AGAP1: variants seen among roughly 807,000 people sequenced by gnomAD.
The protein encoded by AGAP1 is arf-GAP with GTPase, ANK repeat and PH domain-containing protein 1.
In AGAP1, 29 loss-of-function variants were observed where a neutral mutation model predicts 105.3. The observed-to-expected ratio is 0.28, with a 90% confidence interval of 0.21 to 0.38. The LOEUF is 0.38. Ranked by LOEUF, AGAP1 falls within the 10% of genes least tolerant of loss-of-function variation. The probability of loss-of-function intolerance (pLI) is 1.00; values close to 1 mark genes in which losing one functional copy is unlikely to be tolerated. For missense variants in AGAP1, 998 were observed against 1,165.1 expected (o/e 0.86, Z 2.09); for synonymous variants, 509 against 485.9 (o/e 1.05, Z -0.63).
intron 9 of AGAP1, among the ~76,000 whole-genome samples, chr2:235,811,820 T>G (rs938265841): frequency 2.6e-5 from 4 of 152,216 alleles, no homozygotes; most frequent in African/African-American, 4.8e-5. Context: ...CACAGAGAGC[T>G]CTTAGAGATT....
chr2:235,681,237 CTGATCTCA>C (rs1949053926), intron 1 of AGAP1, among the ~76,000 whole-genome samples: 1 of 152,170 alleles, frequency 6.6e-6, no homozygotes, highest in Admixed American at 6.5e-5. Flanking sequence ...TCTCGATCTC[CTGATCTCA>C]TGATCTGCCC....
intron 1 of AGAP1, among the ~76,000 whole-genome samples, chr2:235,649,433 G>C (rs1947506776): frequency 6.6e-6 from 1 of 152,202 alleles, no homozygotes; most frequent in African/African-American, 2.4e-5. Flanking sequence ...GGGTGTAGTG[G>C]TATGACTGTA....
intron 1 of AGAP1, among the ~76,000 whole-genome samples, chr2:235,645,932 CA>C (rs1947368877): frequency 6.6e-6 from 1 of 152,122 alleles, no homozygotes; most frequent in South Asian, 2.1e-4. Context: ...ACAATTTCCC[CA>C]ACCCAGAAGT....
rs1953586857 is a variant in AGAP1 at position 235,753,020 on chromosome 2, C to T, written c.673+2532C>T. On this transcript the variant is annotated intron_variant, in intron 6 of 17. Transcript: ENST00000304032. This position sits in a 1 kb window ranked among gnomAD's most constrained non-coding sequence, Gnocchi z 4.5. ...GACACAAGCCCTCGCCAGTCCCTTC[C>T]CATAAAGGCACTTAACCCATCACAG... Among the ~76,000 whole-genome samples the T allele has an allele frequency of 1.3e-5, 2 of 152,190 alleles. No individual in the cohort carries two copies. Among genetic ancestry groups the T allele is most frequent in the African/African-American group, 4.8e-5 (2 of 41,448 alleles).
At position 235,993,484 on chromosome 2, in the gene AGAP1, T is replaced by A. The variant is rs950790590; in HGVS notation, c.1645+24861T>A. ...CAAAGTGGAAGACAGGGAGCACCTCTGCAGGCCTATAGGGAGGTAGTAATT... is the reference window on the plus strand; with the variant it reads ...CAAAGTGGAAGACAGGGAGCACCTCAGCAGGCCTATAGGGAGGTAGTAATT... On this transcript the variant is annotated intron_variant, in intron 13 of 17. Coordinates refer to ENST00000304032, the MANE Select transcript of AGAP1 (RefSeq NM_001037131.3). This position sits in a 1 kb window ranked among gnomAD's most constrained non-coding sequence, Gnocchi z 5.0. Among the ~76,000 whole-genome samples, 1 of 152,262 alleles carries A rather than the reference T, an allele frequency of 6.6e-6. No homozygotes were observed. The highest frequency in any genetic ancestry group is 1.5e-5 in the Non-Finnish European group (1 of 68,042).
At chr2:236,034,365 A>G (rs1321154709) in intron 13 of AGAP1, among the ~76,000 whole-genome samples, 1 of 151,684 alleles carries the variant, frequency 6.6e-6, no homozygotes, top group Non-Finnish European at 1.5e-5. Context: ...TGAAGGCATG[A>G]CCTGCAGACA....
rs1464196626 is a variant in AGAP1, at chr2:235,721,122, CG to C, written c.310+3479del. On this transcript the variant is annotated intron_variant, in intron 3 of 17. Transcript: ENST00000304032. The surrounding 1 kb of genome is among the most constrained non-coding windows in gnomAD (Gnocchi z 4.5). Reference sequence around the variant, plus strand: ...TCCAGGATTCAAGTGATCCTCCTGCCGCAGCCTCCTGAGTAGCTGGGATTAC... The same window carrying C: ...TCCAGGATTCAAGTGATCCTCCTGCCCAGCCTCCTGAGTAGCTGGGATTAC... Among the ~76,000 whole-genome samples the C allele has an allele frequency of 6.6e-6, 1 of 152,110 alleles. No individual in the cohort carries two copies. Among genetic ancestry groups the C allele is most frequent in the African/African-American group, 2.4e-5 (1 of 41,396 alleles).
At chr2:235,925,937 G>A (rs757586910) in intron 11 of AGAP1, among the ~76,000 whole-genome samples, 3 of 152,206 alleles carry the variant, frequency 2.0e-5, no homozygotes, top group Admixed American at 6.5e-5. Context: ...ACTCATTAAC[G>A]TGAAATGAAT....
At position 235,959,744 on chromosome 2, in the gene AGAP1, C is replaced by G. The variant is rs1468194992; in HGVS notation, c.1484-8718C>G. On this transcript the variant is annotated intron_variant, in intron 12 of 17. Coordinates refer to ENST00000304032, the MANE Select transcript of AGAP1 (RefSeq NM_001037131.3). The surrounding 1 kb of genome is among the most constrained non-coding windows in gnomAD (Gnocchi z 7.3). ...GGTTCCCCTGCTGCTGCAGCCGGGC[C>G]CTCCCACAGGCAAGCATCTGGAACT... Among the ~76,000 whole-genome samples, 1 of 152,172 alleles carries G rather than the reference C, an allele frequency of 6.6e-6. No homozygotes were observed. Among genetic ancestry groups the G allele is most frequent in the African/African-American group, 2.4e-5 (1 of 41,436 alleles).
chr2:235,654,006 A>AG (rs1448293485), intron 1 of AGAP1, among the ~76,000 whole-genome samples: 1 of 152,238 alleles, frequency 6.6e-6, no homozygotes, highest in African/African-American at 2.4e-5. Flanking sequence ...CAGTGAGCTG[A>AG]GATTGCACCA....
chr2:235,578,689 G>A lies in AGAP1; in HGVS notation c.163+83840G>A, dbSNP rs923279905. On this transcript the variant is annotated intron_variant, in intron 1 of 17. Transcript: ENST00000304032. The surrounding 1 kb of genome is among the most constrained non-coding windows in gnomAD (Gnocchi z 4.9). ...AATCCCAGCTACTTGGGAGGCTGAG[G>A]CAGGAGAATTGCTTGAACCCAGGAG... Among the ~76,000 whole-genome samples the A allele has an allele frequency of 3.3e-5, 5 of 151,624 alleles. No homozygotes were observed. The highest frequency in any genetic ancestry group is 1.2e-4 in the African/African-American group (5 of 41,230).
chr2:235,896,034 G>A lies in AGAP1; in HGVS notation c.1155+12585G>A, dbSNP rs990847447. Among the ~76,000 whole-genome samples, 4 of 152,074 alleles carry A rather than the reference G, an allele frequency of 2.6e-5. No individual in the cohort carries two copies. In the South Asian group the frequency reaches 6.2e-4, roughly 24 times the overall value. ...GTTCAGTAGTATCATATACGTTCAC[G>A]TTGTTGGGCAGTCAACCTCCAGAAC... On this transcript the variant is annotated intron_variant, in intron 10 of 17. Transcript: ENST00000304032.
intron 9 of AGAP1, among the ~76,000 whole-genome samples, chr2:235,835,982 T>A (rs4663617): frequency 0.2 from 30,047 of 152,202 alleles, 3,825 homozygotes; most frequent in East Asian, 0.51. Context: ...AATAAATTCA[T>A]TTAGATTTAT....
At chr2:236,063,197 G>C (rs1473805870) in intron 16 of AGAP1, among the ~76,000 whole-genome samples, 1 of 151,836 alleles carries the variant, frequency 6.6e-6, no homozygotes, top group African/African-American at 2.4e-5. Context: ...AGGTTCAAGT[G>C]ATTCTCCTGC....
intron 6 of AGAP1, among the ~76,000 whole-genome samples, chr2:235,776,124 A>G (rs1250131570): frequency 6.6e-6 from 1 of 152,118 alleles, no homozygotes; most frequent in African/African-American, 2.4e-5. Flanking sequence ...TTTTGCTTTG[A>G]GAAGATCTAC....
chr2:235,797,143 G>T (rs150908254), intron 6 of AGAP1, among the ~76,000 whole-genome samples: 1,832 of 152,180 alleles, frequency 0.012, 13 homozygotes, highest in Non-Finnish European at 0.018. Flanking sequence ...GAAAAAAAAA[G>T]ATTTTTGTCT....
At chr2:235,646,270 C>CAAAAA (rs3056061) in intron 1 of AGAP1, among the ~76,000 whole-genome samples, 17 of 112,954 alleles carry the variant, frequency 1.5e-4, no homozygotes, top group African/African-American at 5.7e-4. Flanking sequence ...ACTCTGTCTC[C>CAAAAA]AAAAAAAAAA....
rs1254132640 is a variant in AGAP1, at chr2:235,714,414, G to A, written c.223-3143G>A. On this transcript the variant is annotated intron_variant, in intron 2 of 17. Transcript: ENST00000304032. The surrounding 1 kb of genome is among the most constrained non-coding windows in gnomAD (Gnocchi z 4.1). ...ATATAGTTGAAGGCTTGTCAGAGGA[G>A]GTGACATCTGAACTGATAGTAAGAG... Among the ~76,000 whole-genome samples, 1 of 152,002 alleles carries A rather than the reference G, an allele frequency of 6.6e-6. No individual in the cohort carries two copies. The highest frequency in any genetic ancestry group is 2.4e-5 in the African/African-American group (1 of 41,362).
chr2:235,915,814 A>G (rs1314538836), intron 11 of AGAP1, among the ~76,000 whole-genome samples: 1 of 152,252 alleles, frequency 6.6e-6, no homozygotes, highest in Non-Finnish European at 1.5e-5. Flanking sequence ...ACAGAAGAAT[A>G]TATGCTAGAA....
Sources: allele counts gnomAD v4.1 joint callset (sites outside exome capture counted in the v4.1 genomes callset), GRCh38; gene constraint gnomAD v4.1.1; non-coding constraint Gnocchi (gnomAD v3.1); transcripts MANE v1.5; gene names NCBI Gene and HGNC (gene_info 2026-07-23, HGNC 2026-07-21).